DENND6A: variants seen among roughly 807,000 people sequenced by gnomAD.
DENND6A encodes protein DENND6A.
Under a neutral mutation model 95.5 loss-of-function variants are expected in DENND6A, and 43 were observed. The observed-to-expected ratio is 0.45, with a 90% CI of 0.35 to 0.58. The LOEUF (loss-of-function observed/expected upper bound fraction) is 0.58. Ranked by LOEUF, DENND6A falls within the 20% of genes least tolerant of loss-of-function variation. The pLI is 0.00. For synonymous variants in DENND6A, 257 were observed against 260.4 expected (o/e 0.99, Z 0.13); for missense variants, 574 against 736.0 (o/e 0.78, Z 2.55).
intron 3 of DENND6A, among the ~76,000 whole-genome samples, chr3:57,671,319 T>C (rs1367618639): frequency 6.6e-6 from 1 of 151,932 alleles, no homozygotes; most frequent in East Asian, 1.9e-4. Context: ...GGTCAAGAGA[T>C]CGAGACCATC....
intron 1 of DENND6A, among the ~76,000 whole-genome samples, chr3:57,682,023 T>C (rs570056080): frequency 1.1e-4 from 16 of 152,184 alleles, no homozygotes; most frequent in Non-Finnish European, 2.4e-4. Flanking sequence ...ATAGACACAA[T>C]AATTCAAACC....
chr3:57,685,834 A>C (rs2077207342), intron 1 of DENND6A, among the ~76,000 whole-genome samples: 1 of 152,186 alleles, frequency 6.6e-6, no homozygotes, highest in Non-Finnish European at 1.5e-5. Context: ...GAACATGAAG[A>C]AAAGCCATAC....
intron 5 of DENND6A, among the ~76,000 whole-genome samples, chr3:57,663,326 C>T (rs1458720574): frequency 3.3e-5 from 5 of 150,044 alleles, no homozygotes; most frequent in African/African-American, 7.3e-5. Context: ...ATTAGCCAGG[C>T]GTCGGGCGGG....
At position 57,659,176 on chromosome 3, in the gene DENND6A, C is replaced by T. The variant is rs766384055; in HGVS notation, c.704G>A (p.Arg235Gln). 12 of 1,613,830 alleles carry T rather than the reference C, an allele frequency of 7.4e-6. No homozygotes were observed. Among genetic ancestry groups the T allele is most frequent in the East Asian group, 2.2e-5 (1 of 44,854 alleles). ...AGGCTTGTCATGACATGTGGGAATC[C>T]GTACCTAAAAGAAAGACAGGAAATT... Reference protein sequence around the residue: ...LPIMGVVMKVRIPTCHDKPGT... With the variant: ...LPIMGVVMKVQIPTCHDKPGT... The change falls in exon 8 of 20, where the codon CGG becomes CAG. Residue 235 changes from arginine (R) to glutamine (Q), a missense_variant. Physicochemically the swap from Arg to Gln is conservative, Grantham distance 43 (BLOSUM62 1). This residue lies in a region of DENND6A where 452 missense variants were observed against 630.9 expected (regional missense o/e 0.72). Coordinates refer to ENST00000311128, the MANE Select transcript of DENND6A (RefSeq NM_152678.3).
At position 57,661,339 on chromosome 3, in the gene DENND6A, A is replaced by G. The variant is rs1288351935; in HGVS notation, c.619+107T>C. 24 of 867,050 alleles carry G rather than the reference A, an allele frequency of 2.8e-5. No homozygotes were observed. The East Asian group carries it at 2.8e-4, about 10-fold the overall frequency. The allele number at this position is 867,050 out of a possible 1,614,324, so 53.7% of individuals were successfully genotyped here. A position where few individuals can be genotyped will look rare whatever the true frequency, so the allele number is the denominator to read the frequency against. On this transcript the variant is annotated intron_variant, in intron 6 of 19. Coordinates refer to ENST00000311128, the MANE Select transcript of DENND6A (RefSeq NM_152678.3). ...CCTTTCTCCTATCATATATTCCTTA[A>G]GTTCCTACCTGAATTTTTATAAATT... is the stretch of plus-strand genomic sequence containing the variant.
At chr3:57,671,131 A>G (rs893905356) in intron 3 of DENND6A, among the ~76,000 whole-genome samples, 1 of 152,186 alleles carries the variant, frequency 6.6e-6, no homozygotes, top group African/African-American at 2.4e-5. Flanking sequence ...TAGGAAAAAA[A>G]TTCTGGAAGC....
Position 57,645,768 on chromosome 3 carries a change from G to A in DENND6A, c.942-12C>T. On this transcript the variant is annotated splice_polypyrimidine_tract_variant and intron_variant, in intron 10 of 19. Coordinates refer to ENST00000311128, the MANE Select transcript of DENND6A (RefSeq NM_152678.3). ...ATGGAGAAATACAGCTGTGGAGCAGGAAGAACATGTAAAATAAAGGACACA... is the reference window on the plus strand; with the variant it reads ...ATGGAGAAATACAGCTGTGGAGCAGAAAGAACATGTAAAATAAAGGACACA... 1 of 1,592,478 alleles carries A rather than the reference G, an allele frequency of 6.3e-7. No individual in the cohort carries two copies. The highest frequency in any genetic ancestry group is 8.6e-7 in the Non-Finnish European group (1 of 1,162,746).
chr3:57,670,019 C>CAAAAAAAAAAAAAAAAAAA (rs780880587), intron 3 of DENND6A, among the ~76,000 whole-genome samples: 1 of 57,778 alleles, frequency 1.7e-5, no homozygotes, highest in Non-Finnish European at 3.3e-5. Context: ...AACTCCATCT[C>CAAAAAAAAAAAAAAAAAAA]AAAAAAAAAA....
chr3:57,679,468 A>T (rs1362307302), intron 1 of DENND6A: 2 of 984,574 alleles, frequency 2.0e-6, no homozygotes, highest in Admixed American at 1.2e-4. Flanking sequence ...AATTTTCTTT[A>T]AAGTTCACAT....
At chr3:57,656,109 A>G (rs987231942) in intron 9 of DENND6A, among the ~76,000 whole-genome samples, 3 of 152,216 alleles carry the variant, frequency 2.0e-5, no homozygotes, top group Non-Finnish European at 4.4e-5. Flanking sequence ...ATTTATATGC[A>G]GTAAAATTTA....
chr3:57,646,387 C>G lies in DENND6A; in HGVS notation c.870G>C (p.Leu290=). The change falls in exon 10 of 20, where the codon CTG becomes CTC. Residue 290 remains leucine, a synonymous_variant. Transcript: ENST00000311128. ...LHSQMLWELV[L]LGEPLVVMAP... ...CCATAACCACAAGGGGCTCCCCCAA[C>G]AGCACCAGCTCCCAGAGCATCTGAC... 1 of 1,614,118 alleles carries G rather than the reference C, an allele frequency of 6.2e-7. No homozygotes were observed. The highest frequency in any genetic ancestry group is 8.5e-7 in the Non-Finnish European group (1 of 1,180,012).
chr3:57,670,311 C>T (rs1001459059), intron 3 of DENND6A, among the ~76,000 whole-genome samples: 1 of 151,982 alleles, frequency 6.6e-6, no homozygotes, highest in African/African-American at 2.4e-5. Flanking sequence ...AAGTAAAAAC[C>T]CAAAGAGGTG....
At position 57,692,881 on chromosome 3, in the gene DENND6A, A is replaced by G. The variant is rs529989026; in HGVS notation, c.138T>C (p.Asp46=). 4.4e-6 allele frequency: 7 copies of G among 1,583,556 alleles called. No individual in the cohort carries two copies. The highest frequency in any genetic ancestry group is 2.3e-5 in the South Asian group (2 of 86,904). The change falls in exon 1 of 20, where the codon GAT becomes GAC. Residue 46 remains aspartate (D), a synonymous_variant. Coordinates refer to ENST00000311128, the MANE Select transcript of DENND6A (RefSeq NM_152678.3). The part of the protein sequence containing the change: ...GGAPEDDEED[D]GRGRGLLRWD... ...AGCGCAGCAGGCCCCGGCCACGGCC[A>G]TCGTCCTCTTCATCGTCCTCTGGCG...
At chr3:57,667,178 G>A (rs922514880) in intron 3 of DENND6A, among the ~76,000 whole-genome samples, 1 of 152,134 alleles carries the variant, frequency 6.6e-6, no homozygotes, top group Non-Finnish European at 1.5e-5. Context: ...ACAGGTGCGT[G>A]CCACCACGCC....
intron 4 of DENND6A, among the ~76,000 whole-genome samples, chr3:57,664,196 TAAAAC>T (rs2153415845): frequency 6.6e-6 from 1 of 152,250 alleles, no homozygotes; most frequent in South Asian, 2.1e-4. Context: ...GGATCAATCT[TAAAAC>T]AAAATGAGGT....
At chr3:57,677,666 C>A (rs141410058) in intron 1 of DENND6A, among the ~76,000 whole-genome samples, 2 of 152,080 alleles carry the variant, frequency 1.3e-5, no homozygotes, top group African/African-American at 4.8e-5. Context: ...AAACTCCTGG[C>A]CTCAAATGAT....
At chr3:57,682,413 T>C (rs2077174601) in intron 1 of DENND6A, among the ~76,000 whole-genome samples, 1 of 152,072 alleles carries the variant, frequency 6.6e-6, no homozygotes, top group Non-Finnish European at 1.5e-5. Context: ...ATTCTAAAGA[T>C]GCTTTGAACT....
intron 9 of DENND6A, among the ~76,000 whole-genome samples, chr3:57,655,682 C>T (rs778072564): frequency 3.3e-5 from 5 of 152,098 alleles, no homozygotes; most frequent in Non-Finnish European, 5.9e-5. Context: ...GCATAAGTGA[C>T]CCTTGTGTTT....
At chr3:57,692,352 A>G (rs1002567686) in intron 1 of DENND6A, among the ~76,000 whole-genome samples, 3 of 152,162 alleles carry the variant, frequency 2.0e-5, no homozygotes, top group Non-Finnish European at 2.9e-5. Context: ...GCAAATGACT[A>G]AAACAATCTG....
Sources: allele counts gnomAD v4.1 joint callset (sites outside exome capture counted in the v4.1 genomes callset), GRCh38; gene constraint gnomAD v4.1.1; regional missense constraint gnomAD v4.1.1; transcripts MANE v1.5; gene names NCBI Gene and HGNC (gene_info 2026-07-23, HGNC 2026-07-21).